The following PDE10A variants were observed in gnomAD, a reference collection of about 807,000 sequenced individuals.
The protein encoded by PDE10A is phosphodiesterase 10A, also known as cAMP and cAMP-inhibited cGMP 3',5'-cyclic phosphodiesterase 10A.
In PDE10A, 39 loss-of-function variants were observed where a neutral mutation model predicts 97.7. The ratio of observed to expected loss-of-function variants is 0.40; its 90% CI spans 0.31 to 0.52. PDE10A has a LOEUF of 0.52. Among genes scored for constraint, PDE10A ranks in the 20% least tolerant of loss-of-function variants. The pLI is 0.56. For missense variants in PDE10A, 731 were observed against 1,047.8 expected, an observed-to-expected ratio of 0.70 and a Z score of 4.17; for synonymous variants, 371 against 376.8, an observed-to-expected ratio of 0.98 and a Z score of 0.18.
At chr6:165,542,437 C>G (rs920093321) in intron 2 of PDE10A, among the ~76,000 whole-genome samples, 2 of 150,542 alleles carry the variant, frequency 1.3e-5, no homozygotes, top group African/African-American at 2.5e-5. Flanking sequence ...TAAAAATACA[C>G]GTGTTTCAGA....
chr6:165,914,337 T>C (rs1018033620), intron 1 of PDE10A, among the ~76,000 whole-genome samples: 1 of 152,196 alleles, frequency 6.6e-6, no homozygotes, highest in Non-Finnish European at 1.5e-5. Context: ...ACTTACAGGG[T>C]TAATGTACCA....
intron 1 of PDE10A, among the ~76,000 whole-genome samples, chr6:165,596,156 A>T (rs1363187409): frequency 1.3e-5 from 2 of 152,188 alleles, no homozygotes; most frequent in Non-Finnish European, 2.9e-5. Flanking sequence ...ATCAAGGCTG[A>T]AACCCTGAAG....
At chr6:165,850,517 C>A (rs145979917) in intron 1 of PDE10A, among the ~76,000 whole-genome samples, 1 of 152,188 alleles carries the variant, frequency 6.6e-6, no homozygotes, top group African/African-American at 2.4e-5. Flanking sequence ...GGTAAACTAC[C>A]TTTAGTTATA....
chr6:165,691,106 TCCCCCC>T (rs35264122), intron 1 of PDE10A, among the ~76,000 whole-genome samples: 1 of 39,094 alleles, frequency 2.6e-5, no homozygotes, highest in Admixed American at 3.3e-4. Flanking sequence ...TCTTTCTCTC[TCCCCCC>T]CCCCATCAGT....
intron 1 of PDE10A, among the ~76,000 whole-genome samples, chr6:165,643,953 A>T (rs1789265701): frequency 6.6e-6 from 1 of 152,264 alleles, no homozygotes; most frequent in South Asian, 2.1e-4. Context: ...TGTACTTCAT[A>T]AACATATGCC....
intron 1 of PDE10A, among the ~76,000 whole-genome samples, chr6:165,712,864 T>G (rs1438198485): frequency 6.6e-6 from 1 of 152,108 alleles, no homozygotes; most frequent in East Asian, 1.9e-4. Flanking sequence ...ATGGTCTCGA[T>G]CTCCTGACCT....
At chr6:165,385,616 T>C (rs117696853) in intron 17 of PDE10A, among the ~76,000 whole-genome samples, 1,784 of 152,336 alleles carry the variant, frequency 0.012, 17 homozygotes, top group Non-Finnish European at 0.018. Context: ...TCAGTAAGTA[T>C]GTTTGTTATT....
At chr6:165,613,022 A>T (rs1044715410) in intron 1 of PDE10A, among the ~76,000 whole-genome samples, 1 of 152,238 alleles carries the variant, frequency 6.6e-6, no homozygotes, top group African/African-American at 2.4e-5. Flanking sequence ...CCTTGAACAG[A>T]AAAGGATAAG....
intron 1 of PDE10A, among the ~76,000 whole-genome samples, chr6:165,597,684 A>G (rs2983507): frequency 0.47 from 72,068 of 152,140 alleles, 20,381 homozygotes; most frequent in African/African-American, 0.8. Flanking sequence ...ACTACTTTAC[A>G]TGTTCCAGTT....
At chr6:165,917,002 T>A (rs1051022477) in intron 1 of PDE10A, among the ~76,000 whole-genome samples, 2 of 152,130 alleles carry the variant, frequency 1.3e-5, no homozygotes, top group African/African-American at 4.8e-5. Flanking sequence ...TCCATGTTTC[T>A]CCTAAGACCT....
intron 1 of PDE10A, among the ~76,000 whole-genome samples, chr6:165,787,518 G>A (rs1229466603): frequency 6.6e-6 from 1 of 152,174 alleles, no homozygotes; most frequent in Non-Finnish European, 1.5e-5. Flanking sequence ...CTTTATGCCA[G>A]AAGCCATAAA....
chr6:165,438,998 T>G (rs1162272516), intron 5 of PDE10A, among the ~76,000 whole-genome samples: 2 of 151,576 alleles, frequency 1.3e-5, no homozygotes, highest in African/African-American at 4.8e-5. Context: ...CATTTCTCAT[T>G]GGTGAAGTAT....
intron 1 of PDE10A, among the ~76,000 whole-genome samples, chr6:165,969,090 C>T (rs1784597226): frequency 6.6e-6 from 1 of 152,140 alleles, no homozygotes; most frequent in South Asian, 2.1e-4. Context: ...TTTGACAATG[C>T]CATCAGATGA....
chr6:165,389,147 G>A (rs532271625), intron 16 of PDE10A, among the ~76,000 whole-genome samples: 2 of 152,276 alleles, frequency 1.3e-5, no homozygotes, highest in South Asian at 2.1e-4. Context: ...ACGGTGGCCA[G>A]TGGGGTCGAG....
At chr6:165,429,615 T>A (rs1330449348) in intron 9 of PDE10A, among the ~76,000 whole-genome samples, 2 of 152,036 alleles carry the variant, frequency 1.3e-5, no homozygotes, top group African/African-American at 4.8e-5. Flanking sequence ...ACTACATTAT[T>A]CCTTTAGTGA....
chr6:165,636,844 C>T (rs947291158), intron 1 of PDE10A, among the ~76,000 whole-genome samples: 15 of 152,178 alleles, frequency 9.9e-5, no homozygotes, highest in African/African-American at 3.4e-4. Flanking sequence ...CCACCCCTCA[C>T]CTCGGAAGGG....
At chr6:165,407,247 T>C (rs1787260762) in intron 13 of PDE10A, among the ~76,000 whole-genome samples, 1 of 152,120 alleles carries the variant, frequency 6.6e-6, no homozygotes, top group Non-Finnish European at 1.5e-5. Flanking sequence ...CCTTAGGACC[T>C]TAGGGAAGAA....
chr6:165,735,071 GGTAGGTAGGTTT>G (rs929188008), intron 1 of PDE10A, among the ~76,000 whole-genome samples: 13 of 151,956 alleles, frequency 8.6e-5, no homozygotes, highest in African/African-American at 2.4e-4. Context: ...TAGGTAGGTA[GGTAGGTAGGTTT>G]GTAGGTAGGT....
rs137920834 is a variant in PDE10A, at chr6:165,919,134, C to G, written c.-615+68395G>C. On this transcript the variant is annotated intron_variant, in intron 1 of 19. Transcript: ENST00000366882. ...TTTCCCTTCCTTTTGGCTTTGTCAA[C>G]AAGCCAAGCCGGTTTCATGCCTTCA... Among the ~76,000 whole-genome samples, 983 of 152,336 alleles carry G rather than the reference C, an allele frequency of 6.5e-3. 10 individuals carry two copies. The highest frequency in any genetic ancestry group is 0.021 in the African/African-American group (873 of 41,586).
Sources: gnomAD v4.1 joint callset for allele counts (sites outside exome capture counted in the v4.1 genomes callset) on GRCh38, gnomAD v4.1.1 for gene constraint, MANE v1.5 for transcripts, NCBI Gene and HGNC (gene_info 2026-07-23, HGNC 2026-07-21) for gene names.